The following TENM3 variants were observed in gnomAD, a reference collection of about 807,000 sequenced individuals.
TENM3 encodes the protein teneurin-3.
TENM3 carries 63 observed loss-of-function variants against 255.1 expected under a neutral mutation model. The ratio of observed to expected loss-of-function variants is 0.25; its 90% CI spans 0.20 to 0.30. The LOEUF (loss-of-function observed/expected upper bound fraction) is 0.30, where lower values mean the gene tolerates loss of function less well. TENM3 is among the 10% of genes least tolerant of loss of function. The pLI, the probability that TENM3 is intolerant of heterozygous loss-of-function variation, is 1.00. For missense variants in TENM3, 2,929 were observed against 3,461.1 expected, an observed-to-expected ratio of 0.85 and a Z score of 3.86; for synonymous variants, 1,306 against 1,322.3, an observed-to-expected ratio of 0.99 and a Z score of 0.27.
At chr4:181,487,869 C>G in the TENM3 span, among the ~76,000 whole-genome samples, 6 of 152,122 alleles carry the variant, frequency 3.9e-5, no homozygotes, top group Non-Finnish European at 7.4e-5. Context: ...ACACTGCTAG[C>G]AGGACCTGCC....
intron 24 of TENM3, among the ~76,000 whole-genome samples, chr4:182,776,133 T>C (rs1050586938): frequency 2.6e-5 from 4 of 152,148 alleles, no homozygotes; most frequent in African/African-American, 9.6e-5. Flanking sequence ...GAAAATAGGC[T>C]GGGCGTTGGT....
chr4:181,923,187 G>A, the TENM3 span, among the ~76,000 whole-genome samples: 107 of 152,142 alleles, frequency 7.0e-4, no homozygotes, highest in African/African-American at 2.3e-3. Context: ...GGTGTGGTGC[G>A]GTGCTGAAAA....
At chr4:182,364,744 C>A (rs1766305838) in intron 3 of TENM3, among the ~76,000 whole-genome samples, 1 of 152,198 alleles carries the variant, frequency 6.6e-6, no homozygotes, top group Admixed American at 6.5e-5. Context: ...ACCTAAGTTT[C>A]CACATGCTAT....
chr4:182,350,033 G>GAAA (rs10644033), intron 3 of TENM3: 9,997 of 152,058 alleles, frequency 0.066, 460 homozygotes, highest in Non-Finnish European at 0.095. Context: ...GTTTTTCCCA[G>GAAA]AAAAAAAAAA....
chr4:181,914,449 C>A, the TENM3 span, among the ~76,000 whole-genome samples: 5 of 152,152 alleles, frequency 3.3e-5, no homozygotes, highest in African/African-American at 1.2e-4. Flanking sequence ...GTTATTATAT[C>A]ATGTTAACTA....
At chr4:181,740,297 CTT>C in the TENM3 span, among the ~76,000 whole-genome samples, 1 of 151,924 alleles carries the variant, frequency 6.6e-6, no homozygotes, top group Non-Finnish European at 1.5e-5. Context: ...TTTTTGATAT[CTT>C]AACAATTATG....
At position 182,334,452 on chromosome 4, in the gene TENM3, C is replaced by T. The variant is rs1038000481; in HGVS notation, c.232+10200C>T. Among the ~76,000 whole-genome samples the T allele has an allele frequency of 4.6e-5, 7 of 152,022 alleles. No individual in the cohort carries two copies. In the South Asian group the frequency reaches 1.2e-3, roughly 27 times the overall value. ...TGATCTTCAAATTTATCTTAAAATT[C>T]AAGTGATCATAAAATTCGTATTTTC... On this transcript the variant is annotated intron_variant, in intron 2 of 27. Coordinates refer to ENST00000511685, the MANE Select transcript of TENM3 (RefSeq NM_001080477.4).
chr4:181,553,733 G>A, the TENM3 span, among the ~76,000 whole-genome samples: 45 of 152,102 alleles, frequency 3.0e-4, no homozygotes, highest in South Asian at 8.7e-3. Flanking sequence ...GAGCCACCGC[G>A]CCCGGCCAAT....
the TENM3 span, among the ~76,000 whole-genome samples, chr4:182,068,787 G>C: frequency 6.6e-6 from 1 of 151,994 alleles, no homozygotes; most frequent in Admixed American, 6.6e-5. Flanking sequence ...AAATATTTGA[G>C]TAATCTCTAA....
chr4:182,575,349 A>AGAT (rs913843106), intron 3 of TENM3, among the ~76,000 whole-genome samples: 6 of 152,308 alleles, frequency 3.9e-5, no homozygotes, highest in Admixed American at 3.3e-4. Flanking sequence ...TTAAAGGGCC[A>AGAT]GATAGTAAAT....
chr4:181,491,088 C>T, the TENM3 span, among the ~76,000 whole-genome samples: 44 of 151,758 alleles, frequency 2.9e-4, no homozygotes, highest in African/African-American at 9.9e-4. Context: ...TCGTGATTTA[C>T]GAATGCCTAA....
At chr4:182,131,757 G>A in the TENM3 span, among the ~76,000 whole-genome samples, 1 of 152,158 alleles carries the variant, frequency 6.6e-6, no homozygotes, top group East Asian at 1.9e-4. Flanking sequence ...CAGAACAATT[G>A]ATTAGACAGG....
At chr4:181,893,487 G>GCCCCCCCCCCTCCC in the TENM3 span, among the ~76,000 whole-genome samples, 1 of 74,690 alleles carries the variant, frequency 1.3e-5, no homozygotes, top group Non-Finnish European at 3.0e-5. Flanking sequence ...ACTTTCCCCT[G>GCCCCCCCCCCTCCC]CCCACCCCCC....
rs185639213 is a variant in TENM3, at chr4:182,226,432, G to T, written c.-76+81678G>T. On this transcript the variant is annotated intron_variant, in intron 1 of 2. Coordinates refer to the TENM3 transcript ENST00000512480. ...TGTAATGAGTTTCTATTTCAACAATGCCCAAATAGGCTTCTTTAACTTGGT... is the reference window on the plus strand; with the variant it reads ...TGTAATGAGTTTCTATTTCAACAATTCCCAAATAGGCTTCTTTAACTTGGT... 2.0e-3 allele frequency among the ~76,000 whole-genome samples: 298 copies of T among 152,224 alleles called. 7 individuals carry two copies. In the South Asian group the frequency reaches 0.034, roughly 17 times the overall value.
intron 3 of TENM3, among the ~76,000 whole-genome samples, chr4:182,348,705 T>C (rs548293173): frequency 6.6e-6 from 1 of 152,212 alleles, no homozygotes; most frequent in Non-Finnish European, 1.5e-5. Context: ...TCTGTATTGG[T>C]AAAATATAAA....
At chr4:181,889,929 A>G in the TENM3 span, among the ~76,000 whole-genome samples, 1 of 152,240 alleles carries the variant, frequency 6.6e-6, no homozygotes, top group Non-Finnish European at 1.5e-5. Flanking sequence ...GATACAGAAA[A>G]ATATAATTTC....
chr4:181,478,542 G>A, the TENM3 span, among the ~76,000 whole-genome samples: 55,750 of 151,918 alleles, frequency 0.37, 10,696 homozygotes, highest in African/African-American at 0.49. Flanking sequence ...GGTTGTAACC[G>A]CTTTTGATTT....
At chr4:182,425,677 T>A (rs539783023) in intron 3 of TENM3, among the ~76,000 whole-genome samples, 1 of 152,276 alleles carries the variant, frequency 6.6e-6, no homozygotes, top group Non-Finnish European at 1.5e-5. Flanking sequence ...TTTCGCAGAA[T>A]GAATTCAAGT....
chr4:181,460,636 G>T, the TENM3 span, among the ~76,000 whole-genome samples: 3 of 144,586 alleles, frequency 2.1e-5, no homozygotes, highest in East Asian at 2.0e-4. Flanking sequence ...AGTATATTCA[G>T]TATCCCATTT....
Sources: allele counts gnomAD v4.1 joint callset (sites outside exome capture counted in the v4.1 genomes callset), GRCh38; gene constraint gnomAD v4.1.1; transcripts MANE v1.5; gene names NCBI Gene and HGNC (gene_info 2026-07-23, HGNC 2026-07-21).